The following EYS variants were observed in gnomAD, a reference collection of about 807,000 sequenced individuals.
EYS encodes EGF-like photoreceptor maintenance factor.
In EYS, 250 loss-of-function variants were observed where a neutral mutation model predicts 282.1. The observed-to-expected ratio is 0.89, with a 90% CI of 0.80 to 0.98. The LOEUF is 0.98. Among genes scored for constraint, EYS ranks in the 50% least tolerant of loss-of-function variants. The pLI is 0.00. For missense variants in EYS, 4,016 were observed against 3,709.0 expected (o/e 1.08, Z -2.15); for synonymous variants, 1,355 against 1,282.9 (o/e 1.06, Z -1.20).
intron 31 of EYS, among the ~76,000 whole-genome samples, chr6:64,220,119 C>G (rs1330901003): frequency 6.6e-6 from 1 of 152,126 alleles, no homozygotes. Flanking sequence ...CAACATGGCA[C>G]ATGTATACAT....
At chr6:65,344,855 A>C (rs971313509) in intron 9 of EYS, among the ~76,000 whole-genome samples, 2 of 151,712 alleles carry the variant, frequency 1.3e-5, no homozygotes, top group African/African-American at 4.8e-5. Context: ...AGAACATAGA[A>C]GACCTGATCC....
chr6:65,257,857 A>G (rs2150255910), intron 12 of EYS, among the ~76,000 whole-genome samples: 1 of 152,126 alleles, frequency 6.6e-6, no homozygotes, highest in East Asian at 1.9e-4. Flanking sequence ...AAAGGGTTGC[A>G]GGGAAGGAGA....
In EYS at chr6:65,063,775, T is replaced by A. The variant is rs552363550; in HGVS notation, c.2024-6048A>T. On this transcript the variant is annotated intron_variant, in intron 12 of 42. Transcript: ENST00000503581. Reference sequence around the variant, plus strand: ...AAAATGGCACAAAGAGTTATCTAAATGGTGACAAATAGCCATTGGCTCAAA... The same window carrying A: ...AAAATGGCACAAAGAGTTATCTAAAAGGTGACAAATAGCCATTGGCTCAAA... 5.9e-5 allele frequency among the ~76,000 whole-genome samples: 9 copies of A among 152,148 alleles called. No individual in the cohort carries two copies. In the South Asian group the frequency reaches 1.9e-3, roughly 32 times the overall value.
At chr6:65,603,696 T>TA (rs1284299980) in intron 2 of EYS, among the ~76,000 whole-genome samples, 1 of 151,974 alleles carries the variant, frequency 6.6e-6, no homozygotes, top group East Asian at 1.9e-4. Flanking sequence ...AGAGCTTTCT[T>TA]AATGAGCATT....
intron 30 of EYS, among the ~76,000 whole-genome samples, chr6:64,295,729 CAAAAA>C (rs74773239): frequency 7.5e-6 from 1 of 132,936 alleles, no homozygotes; most frequent in African/African-American, 2.8e-5. Flanking sequence ...ACTCCGTCTC[CAAAAA>C]AAAAAAAAGA....
intron 28 of EYS, among the ~76,000 whole-genome samples, chr6:64,397,089 A>G (rs1409767559): frequency 6.6e-6 from 1 of 152,114 alleles, no homozygotes; most frequent in African/African-American, 2.4e-5. Context: ...AGTTTTTTTA[A>G]TTGAGATAAT....
At position 65,494,805 on chromosome 6, in the gene EYS, G is replaced by C; in HGVS notation, c.606C>G (p.Cys202Trp). ...EAWSKTYSCH[C>W]QPPFSGKYCQ... The stretch of plus-strand genomic sequence containing the variant: ...AGTATTTTCCAGAAAATGGAGGCTG[G>C]CAATGGCAGCTATATGTCTTGCTCC... Residue 202 changes from cysteine (C) to tryptophan (W), a missense_variant, in exon 4 of 43, where the codon TGC becomes TGG. Transcript: ENST00000503581. 1 of 1,613,992 alleles carries C rather than the reference G, an allele frequency of 6.2e-7. No individual in the cohort carries two copies. Among genetic ancestry groups the C allele is most frequent in the Non-Finnish European group, 8.5e-7 (1 of 1,179,984 alleles).
chr6:64,362,258 AAC>A (rs1772039967), intron 29 of EYS, among the ~76,000 whole-genome samples: 1 of 151,846 alleles, frequency 6.6e-6, no homozygotes, highest in Non-Finnish European at 1.5e-5. Context: ...TACAGAAAAT[AAC>A]TAAACGTAAG....
At chr6:64,945,982 C>T in intron 14 of EYS, 68 bp from the exon 15 acceptor site, 1 of 1,208,634 alleles carries the variant, frequency 8.3e-7, no homozygotes, top group East Asian at 2.7e-5. Context: ...ACAGATATTA[C>T]TCCTGGCCAT....
intron 26 of EYS, among the ~76,000 whole-genome samples, chr6:64,584,386 T>A (rs900306501): frequency 6.6e-6 from 1 of 151,556 alleles, no homozygotes; most frequent in African/African-American, 2.4e-5. Flanking sequence ...TAATAGTTGT[T>A]TTCCAATTTT....
chr6:63,863,367 C>T (rs1007175926), intron 36 of EYS, among the ~76,000 whole-genome samples: 1 of 152,052 alleles, frequency 6.6e-6, no homozygotes, highest in African/African-American at 2.4e-5. Context: ...ATTTCTCATA[C>T]TGAATTTTCC....
At chr6:65,479,021 C>A (rs1477901251) in intron 5 of EYS, among the ~76,000 whole-genome samples, 2 of 151,026 alleles carry the variant, frequency 1.3e-5, no homozygotes, top group Admixed American at 1.3e-4. Context: ...AGTGAGAGGA[C>A]CACAAATGGT....
chr6:65,510,127 C>A (rs528555926), intron 2 of EYS, among the ~76,000 whole-genome samples: 2 of 149,980 alleles, frequency 1.3e-5, no homozygotes, highest in Non-Finnish European at 3.0e-5. Flanking sequence ...CCCACTAACT[C>A]GTCATCTAGC....
chr6:64,016,715 A>G (rs775186103), intron 33 of EYS, among the ~76,000 whole-genome samples: 10 of 152,084 alleles, frequency 6.6e-5, no homozygotes, highest in Non-Finnish European at 1.5e-4. Flanking sequence ...TGCTCAAGCT[A>G]TCTGCCTATG....
intron 30 of EYS, among the ~76,000 whole-genome samples, chr6:64,298,001 T>TAAAAAAAAA (rs1769097836): frequency 7.5e-6 from 1 of 134,038 alleles, no homozygotes; most frequent in African/African-American, 3.0e-5. Flanking sequence ...AAAAAAAAAT[T>TAAAAAAAAA]AGGTAGAAAT....
At chr6:65,217,147 G>T in intron 12 of EYS, among the ~76,000 whole-genome samples, 1 of 152,020 alleles carries the variant, frequency 6.6e-6, no homozygotes, top group Non-Finnish European at 1.5e-5. Flanking sequence ...TGATCTGGTG[G>T]TTATTTTTAA....
chr6:63,781,063 G>T (rs1210152584), intron 39 of EYS, among the ~76,000 whole-genome samples: 1 of 152,158 alleles, frequency 6.6e-6, no homozygotes, highest in African/African-American at 2.4e-5. Flanking sequence ...GGTTGTAGAT[G>T]TGTGCTATTA....
At chr6:64,192,407 A>C (rs1765142710) in intron 31 of EYS, among the ~76,000 whole-genome samples, 1 of 151,690 alleles carries the variant, frequency 6.6e-6, no homozygotes, top group South Asian at 2.1e-4. Context: ...CCTTGCCTGC[A>C]TCACGCTACC....
In EYS at chr6:64,761,486, A is replaced by C. The variant is rs564119286; in HGVS notation, c.3443+51892T>G. Reference sequence around the variant, plus strand: ...AATGTTGAATGATTAGTATTATTTTATTTATTTATTTTTGAGATGGAGTCT... The same window carrying C: ...AATGTTGAATGATTAGTATTATTTTCTTTATTTATTTTTGAGATGGAGTCT... On this transcript the variant is annotated intron_variant, in intron 22 of 42. Transcript: ENST00000503581. Among the ~76,000 whole-genome samples the C allele has an allele frequency of 2.7e-4, 41 of 152,238 alleles. 1 individual carries two copies. The South Asian group carries it at 8.1e-3, about 30-fold the overall frequency.
Sources: allele counts gnomAD v4.1 joint callset (sites outside exome capture counted in the v4.1 genomes callset), GRCh38; gene constraint gnomAD v4.1.1; transcripts MANE v1.5; gene names NCBI Gene and HGNC (gene_info 2026-07-23, HGNC 2026-07-21).